The following SNX29 variants were observed in gnomAD, a reference collection of about 807,000 sequenced individuals.
The protein encoded by SNX29 is sorting nexin 29.
In SNX29, 78 loss-of-function variants were observed where a neutral mutation model predicts 102.1. That is an observed-to-expected ratio of 0.76 (90% confidence interval 0.64 to 0.92). The LOEUF (loss-of-function observed/expected upper bound fraction) is 0.92, where lower values mean the gene tolerates loss of function less well. Among genes scored for constraint, SNX29 ranks in the 40% least tolerant of loss-of-function variants. SNX29 has a pLI of 0.00. For synonymous variants in SNX29, 580 were observed against 414.5 expected (o/e 1.40, Z -4.85); for missense variants, 1,280 against 1,061.7 (o/e 1.21, Z -2.86).
intron 13 of SNX29, among the ~76,000 whole-genome samples, chr16:12,163,891 G>A (rs1444594847): frequency 6.6e-6 from 1 of 152,108 alleles, no homozygotes; most frequent in Non-Finnish European, 1.5e-5. Context: ...GGTGTGTCCA[G>A]ATTTGGACAT....
chr16:11,999,361 A>G lies in SNX29; in HGVS notation c.69+3A>G. 2 of 1,614,048 alleles carry G rather than the reference A, an allele frequency of 1.2e-6. No individual in the cohort carries two copies. Among genetic ancestry groups the G allele is most frequent in the Non-Finnish European group, 1.7e-6 (2 of 1,179,920 alleles). ...GACTGCTGGATGCAGTGAAACAGGT[A>G]AGCAGAAAGCACACATTTGCCTTTT... is the stretch of plus-strand genomic sequence containing the variant. On this transcript the variant is annotated splice_donor_region_variant and intron_variant, in intron 2 of 20. Coordinates refer to ENST00000566228, the MANE Select transcript of SNX29 (RefSeq NM_032167.5).
At position 12,572,169 on chromosome 16, in the gene SNX29, T is replaced by C. The variant is rs1223846833; in HGVS notation, c.*3540T>C. ...TTATTAAGATCAATTTTGATAACCATGTAATTTCTTAGAACCATGGCAGGT... is the reference window on the plus strand; with the variant it reads ...TTATTAAGATCAATTTTGATAACCACGTAATTTCTTAGAACCATGGCAGGT... On this transcript the variant is annotated 3_prime_UTR_variant, in exon 21 of 21. Coordinates refer to ENST00000566228, the MANE Select transcript of SNX29 (RefSeq NM_032167.5). 4.1e-6 allele frequency: 4 copies of C among 980,080 alleles called. No homozygotes were observed. The highest frequency in any genetic ancestry group is 3.7e-6 in the Non-Finnish European group (3 of 802,488). The allele number at this position is 980,080 out of a possible 1,614,324, so 60.7% of individuals were successfully genotyped here. A position where few individuals can be genotyped will look rare whatever the true frequency, so the allele number is the denominator to read the frequency against.
At position 12,460,254 on chromosome 16, in the gene SNX29, C is replaced by A. The variant is rs2086722504; in HGVS notation, c.2038-17465C>A. 1.3e-5 allele frequency among the ~76,000 whole-genome samples: 2 copies of A among 152,218 alleles called. 1 individual carries two copies. Among genetic ancestry groups the A allele is most frequent in the South Asian group, 4.1e-4 (2 of 4,832 alleles). ...CAGGCCTAGTGCGGCTGAAACTTTC[C>A]TTCAGAGGGGGAAACCCTAAAACTG... On this transcript the variant is annotated intron_variant, in intron 18 of 20. Coordinates refer to ENST00000566228, the MANE Select transcript of SNX29 (RefSeq NM_032167.5).
At chr16:12,201,870 C>G (rs981829127) in intron 14 of SNX29, among the ~76,000 whole-genome samples, 1 of 152,204 alleles carries the variant, frequency 6.6e-6, no homozygotes. Context: ...CTACACAATG[C>G]ATTTCTAAGT....
rs552408539 is a variant in SNX29 at position 12,308,893 on chromosome 16, C to T, written c.1782+30857C>T. On this transcript the variant is annotated intron_variant, in intron 15 of 20. Transcript: ENST00000566228. ...CGTTATATCGAAAAGTGCTAGAAGA[C>T]TCTTAAGCCTGTTGCATGTAGGAAG... Among the ~76,000 whole-genome samples the T allele has an allele frequency of 6.7e-3, 1,022 of 152,300 alleles. 11 individuals are homozygous for T. The highest frequency in any genetic ancestry group is 0.022 in the African/African-American group (935 of 41,566).
intron 14 of SNX29, among the ~76,000 whole-genome samples, chr16:12,214,093 A>T (rs982857844): frequency 7.9e-5 from 12 of 151,982 alleles, no homozygotes; most frequent in African/African-American, 1.5e-4. Context: ...GGCGACCTCC[A>T]TTAAGGGGTA....
At chr16:12,477,595 C>T (rs1450521895) in intron 18 of SNX29, 124 bp from the exon 19 acceptor site, 1 of 1,124,292 alleles carries the variant, frequency 8.9e-7, no homozygotes, top group African/African-American at 1.6e-5. Context: ...AACTGGGCAT[C>T]CAGTGGTGTG....
intron 14 of SNX29, among the ~76,000 whole-genome samples, chr16:12,212,740 C>G (rs2077219891): frequency 6.6e-6 from 1 of 151,960 alleles, no homozygotes; most frequent in South Asian, 2.1e-4. Context: ...GGGTATTAAC[C>G]CCTTATCGGA....
intron 3 of SNX29, among the ~76,000 whole-genome samples, chr16:12,014,256 A>G (rs1237144113): frequency 2.0e-5 from 3 of 151,606 alleles, no homozygotes; most frequent in African/African-American, 4.9e-5. Flanking sequence ...GTTTTTCTCC[A>G]TTCTCTTTTT....
intron 15 of SNX29, among the ~76,000 whole-genome samples, chr16:12,292,562 G>T (rs1596786621): frequency 6.6e-6 from 1 of 152,192 alleles, no homozygotes. Flanking sequence ...GTGCTGAGAG[G>T]CTTCTGTTTC....
At chr16:12,481,160 A>G (rs2087888565) in intron 19 of SNX29, among the ~76,000 whole-genome samples, 1 of 152,104 alleles carries the variant, frequency 6.6e-6, no homozygotes, top group Non-Finnish European at 1.5e-5. Context: ...CTTGAGAATA[A>G]AAGACACCAT....
At chr16:12,069,171 CATCCT>C (rs768678740) in intron 10 of SNX29, 39 bp downstream of exon 10, 3 of 1,543,452 alleles carry the variant, frequency 1.9e-6, no homozygotes, top group Non-Finnish European at 2.7e-6. Context: ...GGCATTAAAA[CATCCT>C]ATTCACAGCT....
intron 17 of SNX29, among the ~76,000 whole-genome samples, chr16:12,401,737 T>C (rs1339251154): frequency 6.6e-6 from 1 of 152,212 alleles, no homozygotes; most frequent in Non-Finnish European, 1.5e-5. Context: ...GAAAGGGCTG[T>C]CTGCTTCTTT....
intron 8 of SNX29, among the ~76,000 whole-genome samples, chr16:12,055,753 T>C (rs781575158): frequency 6.6e-5 from 10 of 150,938 alleles, no homozygotes; most frequent in Non-Finnish European, 1.3e-4. Context: ...CAGCGTAATC[T>C]GGTTCACCCA....
rs55895030 is a variant in SNX29 at position 12,366,042 on chromosome 16, C to CAAAAAAAA, written c.1899+9784_1899+9791dup. On this transcript the variant is annotated intron_variant, in intron 16 of 20. Coordinates refer to ENST00000566228, the MANE Select transcript of SNX29 (RefSeq NM_032167.5). ...GGGCGTCAGAGTGAGACTCTTGTCT[C>CAAAAAAAA]AAAAAAAAAAAAAAAAAAAAAAAAA... Among the ~76,000 whole-genome samples the CAAAAAAAA allele has an allele frequency of 8.3e-5, 6 of 72,436 alleles. 1 individual carries two copies. Among genetic ancestry groups the CAAAAAAAA allele is most frequent in the African/African-American group, 2.2e-4 (5 of 22,502 alleles). The allele number at this position is 72,436 out of a possible 152,430, so 47.5% of individuals were successfully genotyped here.
intron 20 of SNX29, among the ~76,000 whole-genome samples, chr16:12,564,351 C>T (rs2078899729): frequency 6.6e-6 from 1 of 152,256 alleles, no homozygotes; most frequent in East Asian, 1.9e-4. Context: ...TTCAGGATGT[C>T]AAAGGAGCCA....
At chr16:12,060,970 G>T in intron 8 of SNX29, 9 of 420,616 alleles carry the variant, frequency 2.1e-5, no homozygotes, top group South Asian at 1.6e-4. Flanking sequence ...ATGCAGCGAG[G>T]CGGAGCAACG....
chr16:11,979,844 T>G (rs1356662409), intron 1 of SNX29, among the ~76,000 whole-genome samples: 1 of 152,086 alleles, frequency 6.6e-6, no homozygotes, highest in Non-Finnish European at 1.5e-5. Context: ...AACTCCTGGC[T>G]TCATGTGATC....
At chr16:12,159,384 C>T (rs767858100) in intron 13 of SNX29, among the ~76,000 whole-genome samples, 1 of 152,232 alleles carries the variant, frequency 6.6e-6, no homozygotes, top group Non-Finnish European at 1.5e-5. Context: ...TGAGTAGATG[C>T]AAGATGATTT....
Sources: gnomAD v4.1 joint callset for allele counts (sites outside exome capture counted in the v4.1 genomes callset) on GRCh38, gnomAD v4.1.1 for gene constraint, MANE v1.5 for transcripts, NCBI Gene and HGNC (gene_info 2026-07-23, HGNC 2026-07-21) for gene names.